The following C10orf67 variants were observed in gnomAD, a reference collection of about 807,000 sequenced individuals.
C10orf67 encodes the protein chromosome 10 open reading frame 67, also known as uncharacterized protein C10orf67, mitochondrial.
A neutral mutation model predicts 35.6 loss-of-function variants in C10orf67; 60 were observed. The ratio of observed to expected loss-of-function variants is 1.68; its 90% CI spans 1.37 to 2.09. The LOEUF (loss-of-function observed/expected upper bound fraction) is 2.09, where lower values mean the gene tolerates loss of function less well. C10orf67 is among the 30% of genes most tolerant of loss of function. The pLI, the probability that C10orf67 is intolerant of heterozygous loss-of-function variation, is 0.00. For missense variants in C10orf67, 474 were observed against 330.2 expected (o/e 1.44, Z -3.38); for synonymous variants, 167 against 115.8 (o/e 1.44, Z -2.84).
intron 15 of C10orf67, among the ~76,000 whole-genome samples, chr10:23,216,106 G>A (rs1363777346): frequency 3.3e-5 from 5 of 152,130 alleles, no homozygotes; most frequent in Admixed American, 6.6e-5. Flanking sequence ...ATTAAGACAG[G>A]AAGAAGATAT....
intron 8 of C10orf67, among the ~76,000 whole-genome samples, chr10:23,269,302 C>T (rs1842960115): frequency 6.6e-6 from 1 of 152,102 alleles, no homozygotes; most frequent in African/African-American, 2.4e-5. Context: ...TGCAAAGTTT[C>T]TATACTTTAC....
chr10:23,324,629 T>G (rs914383486), intron 2 of C10orf67, among the ~76,000 whole-genome samples: 3 of 152,180 alleles, frequency 2.0e-5, no homozygotes, highest in Non-Finnish European at 2.9e-5. Flanking sequence ...GCATTCAAGC[T>G]CCATTGAAGC....
chr10:23,255,991 G>T (rs957619931), intron 10 of C10orf67, among the ~76,000 whole-genome samples: 8 of 152,042 alleles, frequency 5.3e-5, no homozygotes, highest in Admixed American at 2.0e-4. Flanking sequence ...TGTATAATAA[G>T]TATGTTATCA....
chr10:23,260,683 C>A (rs1842724118), intron 10 of C10orf67, among the ~76,000 whole-genome samples: 1 of 152,176 alleles, frequency 6.6e-6, no homozygotes, highest in African/African-American at 2.4e-5. Context: ...ACTCTCTTTA[C>A]TGCTGAAGAC....
chr10:23,270,061 T>A (rs191085832), intron 8 of C10orf67, among the ~76,000 whole-genome samples: 1 of 152,142 alleles, frequency 6.6e-6, no homozygotes, highest in South Asian at 2.1e-4. Flanking sequence ...TACTGTCCCA[T>A]GAAAGACTAT....
chr10:23,208,362 A>G (rs1841213717), intron 15 of C10orf67, among the ~76,000 whole-genome samples: 1 of 152,212 alleles, frequency 6.6e-6, no homozygotes, highest in Non-Finnish European at 1.5e-5. Context: ...AATATTTAAA[A>G]TTTTGTTTCT....
intron 12 of C10orf67, among the ~76,000 whole-genome samples, chr10:23,249,707 T>C (rs948042961): frequency 2.0e-5 from 3 of 152,194 alleles, no homozygotes; most frequent in African/African-American, 7.2e-5. Context: ...GGATCTTTTG[T>C]GTAAGCTTCA....
At chr10:23,266,142 C>T (rs1256045200) in intron 10 of C10orf67, 120 bp downstream of exon 10, 5 of 371,052 alleles carry the variant, frequency 1.3e-5, no homozygotes, top group African/African-American at 8.0e-5. Flanking sequence ...CTGGAGCCCC[C>T]CACTCAGGGG....
At chr10:23,298,131 T>G (rs1843953801) in intron 5 of C10orf67, among the ~76,000 whole-genome samples, 1 of 152,094 alleles carries the variant, frequency 6.6e-6, no homozygotes, top group Non-Finnish European at 1.5e-5. Context: ...GGTGTGCACC[T>G]GTAGTCCCAG....
At chr10:23,344,413 C>T (rs1846055651) in intron 1 of C10orf67, 156 bp downstream of exon 1, 1 of 748,110 alleles carries the variant, frequency 1.3e-6, no homozygotes, top group South Asian at 1.8e-5. Flanking sequence ...CACTGTCCCG[C>T]CTGCCTCAAG....
chr10:23,248,498 C>T (rs574731773), intron 12 of C10orf67, among the ~76,000 whole-genome samples: 1 of 152,142 alleles, frequency 6.6e-6, no homozygotes, highest in South Asian at 2.1e-4. Context: ...TGGGACCCAA[C>T]ATAAATCATG....
rs371926193 is a variant in C10orf67, at chr10:23,218,307, ATTTTTT to A, written c.1570+5285_1570+5290del. Among the ~76,000 whole-genome samples, 142 of 119,088 alleles carry A rather than the reference ATTTTTT, an allele frequency of 1.2e-3. 1 individual carries two copies. Among genetic ancestry groups the A allele is most frequent in the African/African-American group, 4.2e-3 (125 of 29,976 alleles). 78.1% of individuals were successfully genotyped at this position (119,088 alleles called of 152,430 possible). Reference sequence around the variant, plus strand: ...AGGTTCACATCACTACACGAGGCTAATTTTTTTTTTTTTTTTTTTTTGTAGAGACGG... The same window carrying A: ...AGGTTCACATCACTACACGAGGCTAATTTTTTTTTTTTTTTGTAGAGACGG... On this transcript the variant is annotated intron_variant, in intron 15 of 15. Coordinates refer to ENST00000636213, the MANE Select transcript of C10orf67 (RefSeq NM_001371909.1).
At chr10:23,259,551 C>G (rs1443432437) in intron 10 of C10orf67, among the ~76,000 whole-genome samples, 1 of 151,942 alleles carries the variant, frequency 6.6e-6, no homozygotes, top group Non-Finnish European at 1.5e-5. Flanking sequence ...CGTTGGGAGA[C>G]AAAGCAATAA....
intron 13 of C10orf67, among the ~76,000 whole-genome samples, chr10:23,236,120 G>A (rs1253980587): frequency 6.6e-6 from 1 of 151,908 alleles, no homozygotes; most frequent in Non-Finnish European, 1.5e-5. Flanking sequence ...TTGGTGGCAG[G>A]CACCTGTAAT....
chr10:23,267,400 C>G, intron 8 of C10orf67, 146 bp from the exon 9 acceptor site: 2 of 503,018 alleles, frequency 4.0e-6, no homozygotes, highest in Non-Finnish European at 7.0e-6. Context: ...GTTATAGTAT[C>G]AAAGAAAAAA....
intron 15 of C10orf67, among the ~76,000 whole-genome samples, chr10:23,221,451 G>C (rs1247536862): frequency 6.6e-6 from 1 of 152,164 alleles, no homozygotes; most frequent in African/African-American, 2.4e-5. Flanking sequence ...ATTAGTGCTT[G>C]AAAGCATTAA....
chr10:23,327,714 A>G (rs536435119), intron 2 of C10orf67, among the ~76,000 whole-genome samples: 2 of 151,840 alleles, frequency 1.3e-5, no homozygotes, highest in African/African-American at 4.8e-5. Context: ...AATCCCAGCT[A>G]CTCAGGAGGC....
intron 8 of C10orf67, among the ~76,000 whole-genome samples, chr10:23,276,483 A>T (rs896493730): frequency 6.6e-6 from 1 of 152,024 alleles, no homozygotes; most frequent in Non-Finnish European, 1.5e-5. Flanking sequence ...CAACTTCCCT[A>T]TAAATATATA....
At chr10:23,287,879 C>T (rs559289115) in intron 7 of C10orf67, among the ~76,000 whole-genome samples, 8 of 152,278 alleles carry the variant, frequency 5.3e-5, no homozygotes, top group African/African-American at 1.9e-4. Context: ...AGCTCAACAT[C>T]ACTGATCATC....
Sources: allele counts gnomAD v4.1 joint callset (sites outside exome capture counted in the v4.1 genomes callset), GRCh38; gene constraint gnomAD v4.1.1; transcripts MANE v1.5; gene names NCBI Gene and HGNC (gene_info 2026-07-23, HGNC 2026-07-21).